Variants in C12orf42 observed in about 807,000 individuals in gnomAD.
C12orf42 encodes the protein uncharacterized protein C12orf42.
A neutral mutation model predicts 21.6 loss-of-function variants in C12orf42; 25 were observed. The ratio of observed to expected loss-of-function variants is 1.16; its 90% CI spans 0.84 to 1.62. C12orf42 has a LOEUF of 1.62. Ranked by LOEUF, C12orf42 falls within the 40% of genes most tolerant of loss-of-function variation. The pLI, the probability that C12orf42 is intolerant of heterozygous loss-of-function variation, is 0.00. For synonymous variants in C12orf42, 174 were observed against 175.0 expected (o/e 0.99, Z 0.05); for missense variants, 483 against 459.3 (o/e 1.05, Z -0.47).
intron 4 of C12orf42, among the ~76,000 whole-genome samples, chr12:103,364,434 C>T (rs1228317796): frequency 6.6e-6 from 1 of 150,788 alleles, no homozygotes; most frequent in Non-Finnish European, 1.5e-5. Flanking sequence ...CCTCAAGGAA[C>T]TAGAGAAAAA....
At chr12:103,200,923 A>G in the C12orf42 span, among the ~76,000 whole-genome samples, 1 of 152,222 alleles carries the variant, frequency 6.6e-6, no homozygotes, top group Non-Finnish European at 1.5e-5. Context: ...TTATTTCTGT[A>G]TCATAAAAAT....
rs1197975188 is a variant in C12orf42 at position 103,307,466 on chromosome 12, A to G, written c.260-1121T>C. 9.2e-5 allele frequency among the ~76,000 whole-genome samples: 14 copies of G among 152,278 alleles called. No homozygotes were observed. In the East Asian group the frequency reaches 2.7e-3, roughly 29 times the overall value. On this transcript the variant is annotated intron_variant, in intron 4 of 5. Coordinates refer to ENST00000548883, the MANE Select transcript of C12orf42 (RefSeq NM_198521.5). Reference sequence around the variant, plus strand: ...ACAGCCTACTGTGTCAACTCAAACCATTCATATCTACATTTCTAGCGTCTC... The same window carrying G: ...ACAGCCTACTGTGTCAACTCAAACCGTTCATATCTACATTTCTAGCGTCTC...
chr12:103,500,408 A>G (rs1200343456), upstream of C12orf42, among the ~76,000 whole-genome samples: 1 of 152,198 alleles, frequency 6.6e-6, no homozygotes, highest in Non-Finnish European at 1.5e-5. Context: ...TTCAGTACCC[A>G]CTTACATTTA....
At chr12:103,505,980 A>G in the C12orf42 span, 1 of 177,388 alleles carries the variant, frequency 5.6e-6, no homozygotes, top group South Asian at 1.2e-4. Flanking sequence ...CTCAGGCGGG[A>G]TACCTCAGAC....
intron 1 of C12orf42, among the ~76,000 whole-genome samples, chr12:103,489,016 G>A (rs967250659): frequency 1.3e-5 from 2 of 152,236 alleles, no homozygotes; most frequent in African/African-American, 4.8e-5. Context: ...ACACTTTGGA[G>A]GAGAAGAGGC....
At chr12:103,332,622 G>T (rs1442875376) in intron 4 of C12orf42, among the ~76,000 whole-genome samples, 1 of 152,240 alleles carries the variant, frequency 6.6e-6, no homozygotes, top group Non-Finnish European at 1.5e-5. Context: ...AGGAAAGATT[G>T]TGTCTAGATT....
At chr12:103,080,004 G>A in the C12orf42 span, among the ~76,000 whole-genome samples, 86 of 152,194 alleles carry the variant, frequency 5.7e-4, no homozygotes, top group African/African-American at 1.7e-3. Context: ...GCTCTGGGAC[G>A]GCGGTAGAGT....
At chr12:103,312,633 A>G (rs529584129) in intron 4 of C12orf42, among the ~76,000 whole-genome samples, 1 of 152,294 alleles carries the variant, frequency 6.6e-6, no homozygotes, top group South Asian at 2.1e-4. Context: ...CTACTGATAC[A>G]CTTGGGGCTT....
the C12orf42 span, among the ~76,000 whole-genome samples, chr12:103,139,688 G>T: frequency 6.6e-6 from 1 of 152,192 alleles, no homozygotes; most frequent in Non-Finnish European, 1.5e-5. Flanking sequence ...AGAGAACGCT[G>T]GAGATGGCAC....
intron 4 of C12orf42, among the ~76,000 whole-genome samples, chr12:103,345,403 CTAT>C (rs1251477340): frequency 1.3e-5 from 2 of 152,104 alleles, no homozygotes; most frequent in Non-Finnish European, 2.9e-5. Context: ...TGTTTTATCA[CTAT>C]TATTGTTGTT....
At chr12:103,517,557 G>A in the C12orf42 span, among the ~76,000 whole-genome samples, 1 of 152,204 alleles carries the variant, frequency 6.6e-6, no homozygotes, top group Non-Finnish European at 1.5e-5. Context: ...ACCTTTTTAG[G>A]TAAGTGGTTG....
the C12orf42 span, among the ~76,000 whole-genome samples, chr12:103,226,949 A>C: frequency 6.6e-6 from 1 of 152,150 alleles, no homozygotes; most frequent in Admixed American, 6.5e-5. Flanking sequence ...TTACAACAAG[A>C]ATTATTTAGA....
chr12:103,424,495 G>T (rs1161092947), intron 2 of C12orf42, among the ~76,000 whole-genome samples: 2 of 152,220 alleles, frequency 1.3e-5, no homozygotes, highest in African/African-American at 4.8e-5. Flanking sequence ...ACTGGGACTG[G>T]TTAGACAGTG....
chr12:103,048,551 C>A, the C12orf42 span, among the ~76,000 whole-genome samples: 1 of 151,996 alleles, frequency 6.6e-6, no homozygotes, highest in Non-Finnish European at 1.5e-5. Flanking sequence ...TAAGTCTGAG[C>A]AAATCACTTA....
At chr12:103,448,204 A>C (rs891112303) in intron 2 of C12orf42, among the ~76,000 whole-genome samples, 4 of 152,052 alleles carry the variant, frequency 2.6e-5, no homozygotes, top group African/African-American at 9.7e-5. Context: ...AGGATACCCT[A>C]TTCAACAAAT....
At chr12:103,257,817 C>A (rs2034687519) in intron 10 of C12orf42, among the ~76,000 whole-genome samples, 1 of 151,756 alleles carries the variant, frequency 6.6e-6, no homozygotes, top group South Asian at 2.1e-4. Context: ...AGAAAACTTT[C>A]CTGATATTTA....
intron 2 of C12orf42, among the ~76,000 whole-genome samples, chr12:103,433,018 C>T (rs1164944132): frequency 1.3e-5 from 2 of 152,304 alleles, no homozygotes; most frequent in East Asian, 3.9e-4. Context: ...ACCCGAAGCA[C>T]AGGACTCCCA....
At chr12:103,495,239 G>A (rs894763737) in intron 1 of C12orf42, among the ~76,000 whole-genome samples, 112 of 152,038 alleles carry the variant, frequency 7.4e-4, no homozygotes, top group African/African-American at 2.4e-3. Context: ...GAGCTGGAGC[G>A]GGCGGGGAAG....
the C12orf42 span, among the ~76,000 whole-genome samples, chr12:103,130,872 G>A: frequency 6.6e-6 from 1 of 152,156 alleles, no homozygotes; most frequent in East Asian, 1.9e-4. Context: ...ACCTGAGTAG[G>A]TTGTTGCATT....
Sources: gnomAD v4.1 joint callset for allele counts (sites outside exome capture counted in the v4.1 genomes callset) on GRCh38, gnomAD v4.1.1 for gene constraint, MANE v1.5 for transcripts, NCBI Gene and HGNC (gene_info 2026-07-23, HGNC 2026-07-21) for gene names.